SH3BGRL2: variants seen among roughly 807,000 people sequenced by gnomAD.
SH3BGRL2 encodes SH3 domain-binding glutamic acid-rich-like protein 2.
A neutral mutation model predicts 14.8 loss-of-function variants in SH3BGRL2; 21 were observed. That is an observed-to-expected ratio of 1.42 (90% CI 1.01 to 2.05). SH3BGRL2 has a LOEUF of 2.05. Among genes scored for constraint, SH3BGRL2 ranks in the 30% most tolerant of loss-of-function variants. The pLI, the probability that SH3BGRL2 is intolerant of heterozygous loss-of-function variation, is 0.00. For missense variants in SH3BGRL2, 147 were observed against 130.8 expected (o/e 1.12, Z -0.61); for synonymous variants, 50 against 47.8 (o/e 1.05, Z -0.19).
chr6:79,679,370 GA>G (rs1199048335), intron 2 of SH3BGRL2, among the ~76,000 whole-genome samples: 1 of 148,674 alleles, frequency 6.7e-6, no homozygotes, highest in Non-Finnish European at 1.5e-5. Context: ...TAGTAATGAT[GA>G]ACATTTTTTT....
intron 1 of SH3BGRL2, among the ~76,000 whole-genome samples, chr6:79,664,249 G>T (rs548072199): frequency 2.6e-3 from 398 of 152,306 alleles, no homozygotes; most frequent in Non-Finnish European, 4.0e-3. Context: ...CTTCTGCATC[G>T]ATCACGCTGG....
the SH3BGRL2 span, among the ~76,000 whole-genome samples, chr6:79,581,182 A>C: frequency 2.0e-3 from 312 of 152,290 alleles, no homozygotes; most frequent in Non-Finnish European, 3.8e-3. Flanking sequence ...AGGACCAGAC[A>C]GATTCACAGC....
intron 2 of SH3BGRL2, among the ~76,000 whole-genome samples, chr6:79,680,888 C>T (rs935607702): frequency 6.6e-6 from 1 of 152,164 alleles, no homozygotes; most frequent in Non-Finnish European, 1.5e-5. Context: ...TCTAAAAACA[C>T]AACTGATTTT....
At chr6:79,611,453 C>G in the SH3BGRL2 span, among the ~76,000 whole-genome samples, 1 of 142,542 alleles carries the variant, frequency 7.0e-6, no homozygotes, top group Non-Finnish European at 1.5e-5. Context: ...GTCACCCAGG[C>G]TGGAGTGCAA....
In SH3BGRL2 at chr6:79,634,577, CG is replaced by C. The variant is rs572790767; in HGVS notation, c.45+3072del. On this transcript the variant is annotated intron_variant, in intron 1 of 3. Coordinates refer to ENST00000369838, the MANE Select transcript of SH3BGRL2 (RefSeq NM_031469.4). ...AATCCGTCAATTATTTCATTTATTC[CG>C]TCAGTCAGTTATTTCATTTACTCAT... Among the ~76,000 whole-genome samples, 127 of 152,084 alleles carry C rather than the reference CG, an allele frequency of 8.4e-4. 1 individual carries two copies. In the Middle Eastern group the frequency reaches 0.041, roughly 49 times the overall value.
the SH3BGRL2 span, among the ~76,000 whole-genome samples, chr6:79,550,156 G>T: frequency 6.6e-6 from 1 of 152,126 alleles, no homozygotes; most frequent in Admixed American, 6.5e-5. Flanking sequence ...AAAATGTCAT[G>T]ACCGTGGGTT....
At chr6:79,664,090 G>A (rs1769608827) in intron 1 of SH3BGRL2, among the ~76,000 whole-genome samples, 1 of 152,204 alleles carries the variant, frequency 6.6e-6, no homozygotes, top group South Asian at 2.1e-4. Flanking sequence ...CCCTTGGATA[G>A]GAAAGGGAAA....
chr6:79,554,044 A>G, the SH3BGRL2 span, among the ~76,000 whole-genome samples: 1 of 152,110 alleles, frequency 6.6e-6, no homozygotes, highest in Non-Finnish European at 1.5e-5. Context: ...TTCCTCCTGA[A>G]GAAATACTAC....
chr6:79,646,600 T>A (rs1024228354), intron 1 of SH3BGRL2, among the ~76,000 whole-genome samples: 1 of 152,252 alleles, frequency 6.6e-6, no homozygotes, highest in East Asian at 1.9e-4. Context: ...TGTCCCAATG[T>A]GTTTTTGTGT....
chr6:79,691,877 G>T (rs1770224973), intron 2 of SH3BGRL2, among the ~76,000 whole-genome samples: 1 of 151,720 alleles, frequency 6.6e-6, no homozygotes, highest in Non-Finnish European at 1.5e-5. Flanking sequence ...ACCCAGTAAT[G>T]GGATGGCTGG....
the SH3BGRL2 span, among the ~76,000 whole-genome samples, chr6:79,620,808 A>C: frequency 0.017 from 2,664 of 152,318 alleles, 82 homozygotes; most frequent in African/African-American, 0.06. Flanking sequence ...GGAAAGAATT[A>C]TCTGCTGAGA....
chr6:79,662,089 C>A (rs982041464), intron 1 of SH3BGRL2, among the ~76,000 whole-genome samples: 1 of 152,112 alleles, frequency 6.6e-6, no homozygotes, highest in Non-Finnish European at 1.5e-5. Context: ...TGGATCTTGA[C>A]TCTTTATTGA....
chr6:79,588,531 C>T, the SH3BGRL2 span, among the ~76,000 whole-genome samples: 1 of 152,152 alleles, frequency 6.6e-6, no homozygotes, highest in Admixed American at 6.5e-5. Flanking sequence ...GAGAGCCCTT[C>T]CTGCATCTGC....
In SH3BGRL2 at chr6:79,696,509, A is replaced by C. The variant is rs1437175909; in HGVS notation, c.256A>C (p.Lys86Gln). ...CGDYDSFFES[K>Q]ESNTVFSFLG... Reference sequence around the variant, plus strand: ...GGATTATGACAGTTTTTTTGAATCCAAGGAAAGCAACACAGTCTTTTCATT... The same window carrying C: ...GGATTATGACAGTTTTTTTGAATCCCAGGAAAGCAACACAGTCTTTTCATT... Residue 86 changes from lysine (K) to glutamine (Q), a missense_variant, in exon 3 of 4, where the codon AAG becomes CAG. Coordinates refer to ENST00000369838, the MANE Select transcript of SH3BGRL2 (RefSeq NM_031469.4). 1 of 1,584,212 alleles carries C rather than the reference A, an allele frequency of 6.3e-7. No homozygotes were observed. Among genetic ancestry groups the C allele is most frequent in the East Asian group, 2.3e-5 (1 of 43,644 alleles).
At chr6:79,640,269 C>T (rs1769004677) in intron 1 of SH3BGRL2, among the ~76,000 whole-genome samples, 1 of 152,188 alleles carries the variant, frequency 6.6e-6, no homozygotes, top group African/African-American at 2.4e-5. Context: ...TCTGTCAGCA[C>T]TGGCTAGTTT....
chr6:79,594,549 G>A, the SH3BGRL2 span, among the ~76,000 whole-genome samples: 1 of 152,062 alleles, frequency 6.6e-6, no homozygotes, highest in Non-Finnish European at 1.5e-5. Flanking sequence ...GGGCGTGGGT[G>A]TCAGATCAAC....
At chr6:79,658,904 AT>A (rs1769481368) in intron 1 of SH3BGRL2, among the ~76,000 whole-genome samples, 1 of 152,072 alleles carries the variant, frequency 6.6e-6, no homozygotes. Flanking sequence ...GATGAGGAGC[AT>A]TTTTTCATGT....
the SH3BGRL2 span, chr6:79,574,240 A>G: frequency 1.3e-5 from 2 of 152,204 alleles, no homozygotes; most frequent in African/African-American, 4.8e-5. Context: ...ATGACAGGAC[A>G]AAGGAAAGTG....
intron 1 of SH3BGRL2, among the ~76,000 whole-genome samples, chr6:79,643,677 T>C (rs934474365): frequency 1.3e-5 from 2 of 152,200 alleles, no homozygotes; most frequent in Non-Finnish European, 2.9e-5. Context: ...ATAATTACCC[T>C]GCCCCCTCAC....
Sources: gnomAD v4.1 joint callset for allele counts (sites outside exome capture counted in the v4.1 genomes callset) on GRCh38, gnomAD v4.1.1 for gene constraint, MANE v1.5 for transcripts, NCBI Gene and HGNC (gene_info 2026-07-23, HGNC 2026-07-21) for gene names.